The following SCAI variants were observed in gnomAD, a reference collection of about 807,000 sequenced individuals.
SCAI encodes the protein suppressor of cancer cell invasion, also known as protein SCAI.
SCAI carries 24 observed loss-of-function variants against 92.2 expected under a neutral mutation model. The ratio of observed to expected loss-of-function variants is 0.26; its 90% CI spans 0.19 to 0.37. The LOEUF (loss-of-function observed/expected upper bound fraction) is 0.37, where lower values mean the gene tolerates loss of function less well. Among genes scored for constraint, SCAI ranks in the 10% least tolerant of loss-of-function variants. SCAI has a pLI of 1.00. For missense variants in SCAI, 450 were observed against 736.2 expected (o/e 0.61, Z 4.50); for synonymous variants, 261 against 258.6 (o/e 1.01, Z -0.09).
intron 3 of SCAI, among the ~76,000 whole-genome samples, chr9:125,054,391 T>C (rs1359384735): frequency 1.3e-5 from 2 of 152,188 alleles, no homozygotes; most frequent in African/African-American, 4.8e-5. Flanking sequence ...AAGTTTGCCT[T>C]GGGTTTTGTT....
chr9:125,022,839 TTTA>T (rs2131077202), intron 6 of SCAI, among the ~76,000 whole-genome samples: 2 of 152,308 alleles, frequency 1.3e-5, no homozygotes, highest in Non-Finnish European at 2.9e-5. Context: ...TTGTTTCTAT[TTTA>T]TTATTTTGTG....
rs138255024 is a variant in SCAI, at chr9:124,945,738, A to T, written c.*7069T>A. 1 of 152,328 alleles carries T rather than the reference A, an allele frequency of 6.6e-6. No homozygotes were observed. The highest frequency in any genetic ancestry group is 1.9e-4 in the East Asian group (1 of 5,194). The allele number at this position is 152,328 out of a possible 1,614,324, so 9.4% of individuals were successfully genotyped here. Reference sequence around the variant, plus strand: ...TTCCCGTCAATAGGTGATTGATTCCATTCACACATCAATTATTTTTCCTTA... The same window carrying T: ...TTCCCGTCAATAGGTGATTGATTCCTTTCACACATCAATTATTTTTCCTTA... On this transcript the variant is annotated 3_prime_UTR_variant, in exon 18 of 18. Transcript: ENST00000336505.
At chr9:125,017,134 T>C (rs1336903864) in intron 9 of SCAI, among the ~76,000 whole-genome samples, 3 of 152,158 alleles carry the variant, frequency 2.0e-5, no homozygotes, top group Admixed American at 6.6e-5. Flanking sequence ...TCATAGAGTG[T>C]GCACATATGG....
intron 15 of SCAI, among the ~76,000 whole-genome samples, chr9:124,973,684 G>C (rs1654956635): frequency 6.6e-6 from 1 of 151,828 alleles, no homozygotes; most frequent in African/African-American, 2.4e-5. Flanking sequence ...AAAATTAGCT[G>C]GGAGTGGTGG....
intron 6 of SCAI, 90 bp from the exon 7 acceptor site, chr9:125,020,859 C>G (rs1832857612): frequency 1.7e-6 from 1 of 578,836 alleles, no homozygotes; most frequent in African/African-American, 2.0e-5. Context: ...AAAACTCTTT[C>G]CCTCCTTTTC....
In SCAI at chr9:125,000,106, A is replaced by G. The variant is rs1328182134; in HGVS notation, c.1145-116T>C. 8 of 487,500 alleles carry G rather than the reference A, an allele frequency of 1.6e-5. No individual in the cohort carries two copies. The East Asian group carries it at 2.7e-4, about 16-fold the overall frequency. 30.2% of individuals were successfully genotyped at this position (487,500 alleles called of 1,614,324 possible). On this transcript the variant is annotated intron_variant, in intron 12 of 17. Transcript: ENST00000336505. ...TTGATTCAAGCGAAGATAATTACAC[A>G]TTTAAATTATTTTAAAATTTAACAT...
At chr9:125,056,078 T>A (rs1833659164) in intron 2 of SCAI, 71 bp from the exon 3 acceptor site, 8 of 1,112,860 alleles carry the variant, frequency 7.2e-6, no homozygotes, top group Middle Eastern at 2.0e-4. Context: ...AGTTATATCA[T>A]CTGATAGTAT....
intron 17 of SCAI, among the ~76,000 whole-genome samples, chr9:124,960,714 C>T (rs768967854): frequency 3.3e-5 from 5 of 152,196 alleles, no homozygotes; most frequent in Non-Finnish European, 7.3e-5. Context: ...TGGAATGATG[C>T]TATCTTGTAC....
At chr9:125,142,609 C>T in intron 2 of SCAI, 24 bp downstream of exon 2, 1 of 1,606,580 alleles carries the variant, frequency 6.2e-7, no homozygotes, top group Non-Finnish European at 8.5e-7. Flanking sequence ...AAACATGAAG[C>T]AAAATAGGAA....
At chr9:125,140,821 T>C (rs1835649508) in intron 2 of SCAI, among the ~76,000 whole-genome samples, 1 of 150,972 alleles carries the variant, frequency 6.6e-6, no homozygotes, top group Non-Finnish European at 1.5e-5. Context: ...ATTGCACCAC[T>C]GCACTACAGC....
chr9:125,097,085 C>T (rs753610853), intron 2 of SCAI, among the ~76,000 whole-genome samples: 9 of 152,056 alleles, frequency 5.9e-5, no homozygotes, highest in East Asian at 1.9e-4. Flanking sequence ...GATTATATTA[C>T]GTATACAATT....
chr9:124,960,051 A>G (rs1041939689), intron 17 of SCAI, among the ~76,000 whole-genome samples: 1 of 152,184 alleles, frequency 6.6e-6, no homozygotes, highest in African/African-American at 2.4e-5. Context: ...GTATATACCC[A>G]GTAATGGGAT....
intron 15 of SCAI, chr9:124,974,315 G>A (rs945223774): frequency 7.5e-6 from 3 of 402,400 alleles, no homozygotes; most frequent in Non-Finnish European, 1.5e-5. Context: ...GGGTGTGGTA[G>A]TGTATACCTG....
chr9:124,980,464 A>G (rs1322747623), intron 14 of SCAI, among the ~76,000 whole-genome samples: 1 of 152,088 alleles, frequency 6.6e-6, no homozygotes, highest in Non-Finnish European at 1.5e-5. Flanking sequence ...CAGAACTGAT[A>G]AAGAGTGGCT....
chr9:125,094,646 C>T (rs1834508565), intron 2 of SCAI, among the ~76,000 whole-genome samples: 1 of 152,166 alleles, frequency 6.6e-6, no homozygotes, highest in Non-Finnish European at 1.5e-5. Flanking sequence ...GGACTACAGG[C>T]TCACACCACC....
At chr9:124,968,895 G>T in intron 17 of SCAI, 175 of 356,888 alleles carry the variant, frequency 4.9e-4, no homozygotes, top group South Asian at 1.6e-3. Context: ...TAGTTCATCT[G>T]TTTTCCAAAC....
rs1833435904 is a variant in SCAI, at chr9:125,046,252, TAC to T, written c.230+9622_230+9623del. On this transcript the variant is annotated intron_variant, in intron 3 of 17. Coordinates refer to ENST00000336505, the MANE Select transcript of SCAI (RefSeq NM_001144877.3). ...ACACACACATATATATACATATATA[TAC>T]ACATATATACACACACACATATATA... Among the ~76,000 whole-genome samples, 3 of 119,218 alleles carry T rather than the reference TAC, an allele frequency of 2.5e-5. No homozygotes were observed. The Admixed American group carries it at 2.5e-4, about 10-fold the overall frequency. 78.2% of individuals were successfully genotyped at this position (119,218 alleles called of 152,430 possible).
chr9:125,034,905 A>C (rs1833160683), intron 3 of SCAI, among the ~76,000 whole-genome samples: 1 of 152,244 alleles, frequency 6.6e-6, no homozygotes, highest in Admixed American at 6.5e-5. Context: ...TTACATAGTT[A>C]TATGTCAAAA....
Position 124,946,529 on chromosome 9 carries a change from T to C in SCAI, c.*6278A>G, listed in dbSNP as rs1054964453. The stretch of plus-strand genomic sequence containing the variant: ...TCATGCAAAAATAACCTCTACTTAA[T>C]TTCTGCAGTGAATGTATTTAAGTGT... On this transcript the variant is annotated 3_prime_UTR_variant, in exon 18 of 18. Coordinates refer to ENST00000336505, the MANE Select transcript of SCAI (RefSeq NM_001144877.3). This position sits in a 1 kb window ranked among gnomAD's most constrained non-coding sequence, Gnocchi z 4.0. 2 of 152,350 alleles carry C rather than the reference T, an allele frequency of 1.3e-5. No individual in the cohort carries two copies. Among genetic ancestry groups the C allele is most frequent in the East Asian group, 1.9e-4 (1 of 5,186 alleles). The allele number at this position is 152,350 out of a possible 1,614,324, so 9.4% of individuals were successfully genotyped here. A position where few individuals can be genotyped will look rare whatever the true frequency, so the allele number is the denominator to read the frequency against.
Sources: allele counts gnomAD v4.1 joint callset (sites outside exome capture counted in the v4.1 genomes callset), GRCh38; gene constraint gnomAD v4.1.1; non-coding constraint Gnocchi (gnomAD v3.1); transcripts MANE v1.5; gene names NCBI Gene and HGNC (gene_info 2026-07-23, HGNC 2026-07-21).